Variants in P4HA1 observed in about 807,000 individuals in gnomAD.
P4HA1 encodes prolyl 4-hydroxylase subunit alpha 1.
A neutral mutation model predicts 72.8 loss-of-function variants in P4HA1; 24 were observed. The observed-to-expected ratio is 0.33, with a 90% CI of 0.24 to 0.46. The LOEUF is 0.46. Ranked by LOEUF, P4HA1 falls within the 20% of genes least tolerant of loss-of-function variation. P4HA1 has a pLI of 1.00. For synonymous variants in P4HA1, 201 were observed against 218.8 expected (o/e 0.92, Z 0.72); for missense variants, 446 against 640.6 (o/e 0.70, Z 3.28).
At chr10:73,028,792 C>T (rs1174554607) in intron 10 of P4HA1, among the ~76,000 whole-genome samples, 1 of 151,740 alleles carries the variant, frequency 6.6e-6, no homozygotes, top group Non-Finnish European at 1.5e-5. Context: ...TGCCTGTAAT[C>T]CCAACACTTT....
intron 5 of P4HA1, among the ~76,000 whole-genome samples, chr10:73,059,373 T>C (rs1213832011): frequency 2.9e-5 from 4 of 135,832 alleles, no homozygotes; most frequent in South Asian, 2.3e-4. Flanking sequence ...GAAGATCTCC[T>C]GAGCCAGGGA....
At chr10:73,089,693 AAGG>A (rs1285137168) in intron 1 of P4HA1, among the ~76,000 whole-genome samples, 3 of 150,676 alleles carry the variant, frequency 2.0e-5, no homozygotes, top group Admixed American at 6.6e-5. Flanking sequence ...TGCTGAGTGT[AAGG>A]AGATTCCCCG....
At chr10:73,070,434 G>A (rs1841532859) in intron 4 of P4HA1, among the ~76,000 whole-genome samples, 2 of 152,048 alleles carry the variant, frequency 1.3e-5, no homozygotes, top group Admixed American at 1.3e-4. Flanking sequence ...TAGGATTACA[G>A]GCGTGAAATG....
chr10:73,014,275 A>T lies in P4HA1; in HGVS notation c.1317T>A (p.Asp439Glu), dbSNP rs201211707. ...HFDFARKDEPDAFKELGTGNR... is the reference protein window; with the variant it reads ...HFDFARKDEPEAFKELGTGNR... ...TTCCTGTCCCCAGCTCTTTGAAAGC[A>T]TCTGGCTCATCTTTCTGTGAATAAA... The change falls in exon 12 of 15, where the codon GAT (aspartate) becomes GAA (glutamate). Residue 439 changes from aspartate (D) to glutamate (E), a missense_variant. Physicochemically the swap from Asp to Glu is conservative, Grantham distance 45. Coordinates refer to ENST00000394890, the MANE Select transcript of P4HA1 (RefSeq NM_001017962.3). 1.9e-6 allele frequency: 3 copies of T among 1,612,456 alleles called. No homozygotes were observed. Among genetic ancestry groups the T allele is most frequent in the East Asian group, 2.2e-5 (1 of 44,856 alleles).
intron 3 of P4HA1, 54 bp downstream of exon 3, chr10:73,073,677 G>C: frequency 1.1e-6 from 1 of 876,922 alleles, no homozygotes; most frequent in Admixed American, 1.8e-5. Flanking sequence ...TTTAGCTTGA[G>C]AAAGAAAACA....
At chr10:73,042,071 C>T (rs1007770540) in intron 9 of P4HA1, among the ~76,000 whole-genome samples, 20 of 151,944 alleles carry the variant, frequency 1.3e-4, no homozygotes, top group African/African-American at 4.6e-4. Flanking sequence ...CTGCGGTCTT[C>T]ATTTCTAAAG....
At chr10:73,073,952 A>C in intron 2 of P4HA1, 125 bp from the exon 3 acceptor site, 1 of 661,854 alleles carries the variant, frequency 1.5e-6, no homozygotes, top group Non-Finnish European at 2.7e-6. Flanking sequence ...TATGCTGGAG[A>C]CTATCTTTTC....
At chr10:73,080,463 T>C (rs953153956) in intron 1 of P4HA1, among the ~76,000 whole-genome samples, 7 of 152,268 alleles carry the variant, frequency 4.6e-5, no homozygotes, top group Admixed American at 4.6e-4. Flanking sequence ...GCATTTAAAA[T>C]AGATTTTACT....
chr10:73,019,857 GA>G (rs919740416), intron 10 of P4HA1, among the ~76,000 whole-genome samples: 4 of 149,296 alleles, frequency 2.7e-5, no homozygotes, highest in Non-Finnish European at 5.9e-5. Context: ...ACTCAGAGGG[GA>G]AAAAAAAAGG....
chr10:73,085,631 C>T (rs1471323368), intron 1 of P4HA1, among the ~76,000 whole-genome samples: 1 of 152,108 alleles, frequency 6.6e-6, no homozygotes, highest in Non-Finnish European at 1.5e-5. Context: ...GATCTGCCCA[C>T]CTCAGCCTCC....
intron 1 of P4HA1, among the ~76,000 whole-genome samples, chr10:73,089,649 T>G (rs1167622124): frequency 7.0e-6 from 1 of 143,544 alleles, no homozygotes; most frequent in African/African-American, 2.6e-5. Flanking sequence ...TAAAAAACTA[T>G]GAACACATAA....
chr10:73,086,662 G>C (rs1841928606), intron 1 of P4HA1, among the ~76,000 whole-genome samples: 1 of 152,188 alleles, frequency 6.6e-6, no homozygotes, highest in Admixed American at 6.5e-5. Context: ...GCTGGGAGCG[G>C]TGGCTCACGC....
chr10:73,058,779 T>C (rs1463982502), intron 5 of P4HA1, among the ~76,000 whole-genome samples: 2 of 149,358 alleles, frequency 1.3e-5, no homozygotes, highest in Non-Finnish European at 3.0e-5. Flanking sequence ...GTATGCTTTT[T>C]TTTTTTTTTT....
rs117577877 is a variant in P4HA1, at chr10:73,039,029, G to A, written c.1148+5952C>T. The stretch of plus-strand genomic sequence containing the variant: ...CTTTTTTGGCTGGATGCAATGGCTC[G>A]CGCCTGTAATACCAATACTCTGGGA... On this transcript the variant is annotated intron_variant, in intron 9 of 14. Coordinates refer to ENST00000394890, the MANE Select transcript of P4HA1 (RefSeq NM_001017962.3). 3.8e-3 allele frequency among the ~76,000 whole-genome samples: 581 copies of A among 152,222 alleles called. 26 individuals are homozygous for A. The East Asian group carries it at 0.098, about 26-fold the overall frequency.
intron 5 of P4HA1, among the ~76,000 whole-genome samples, chr10:73,054,668 A>G (rs984382546): frequency 6.6e-6 from 1 of 152,266 alleles, no homozygotes; most frequent in Non-Finnish European, 1.5e-5. Flanking sequence ...GTTTTGAGGA[A>G]CTGCCAAACT....
intron 10 of P4HA1, among the ~76,000 whole-genome samples, chr10:73,028,980 G>GGTCCC (rs1248297599): frequency 1.3e-5 from 2 of 151,894 alleles, no homozygotes; most frequent in Non-Finnish European, 2.9e-5. Flanking sequence ...AGGAAGCAGA[G>GGTCCC]GTCGCACTGA....
intron 10 of P4HA1, among the ~76,000 whole-genome samples, chr10:73,022,247 C>CA (rs1463434498): frequency 6.6e-6 from 1 of 152,198 alleles, no homozygotes; most frequent in Non-Finnish European, 1.5e-5. Flanking sequence ...TAGGGGCCGA[C>CA]AGACACCTCA....
chr10:73,069,722 T>C (rs1225768513), intron 4 of P4HA1, among the ~76,000 whole-genome samples: 1 of 152,024 alleles, frequency 6.6e-6, no homozygotes, highest in African/African-American at 2.4e-5. Context: ...AAAATTGGTT[T>C]AAAATTTTAA....
chr10:73,076,153 T>C (rs1052355527), intron 1 of P4HA1, among the ~76,000 whole-genome samples: 2 of 152,156 alleles, frequency 1.3e-5, no homozygotes, highest in Admixed American at 6.5e-5. Context: ...CTAAAAACCA[T>C]TGAATCATGA....
Sources: gnomAD v4.1 joint callset for allele counts (sites outside exome capture counted in the v4.1 genomes callset) on GRCh38, gnomAD v4.1.1 for gene constraint, MANE v1.5 for transcripts, NCBI Gene and HGNC (gene_info 2026-07-23, HGNC 2026-07-21) for gene names.